Variants in DGKG observed in about 807,000 individuals in gnomAD.
The protein encoded by DGKG is DAG kinase gamma.
In DGKG, 78 loss-of-function variants were observed where a neutral mutation model predicts 105.3. The observed-to-expected ratio is 0.74, with a 90% CI of 0.62 to 0.89. The LOEUF (loss-of-function observed/expected upper bound fraction) is 0.89. Among genes scored for constraint, DGKG ranks in the 40% least tolerant of loss-of-function variants. DGKG has a pLI of 0.00. For synonymous variants in DGKG, 346 were observed against 367.1 expected, an observed-to-expected ratio of 0.94 and a Z score of 0.66; for missense variants, 958 against 1,020.1, an observed-to-expected ratio of 0.94 and a Z score of 0.83.
chr3:186,188,091 A>G, intron 22 of DGKG, 111 bp downstream of exon 22: 1 of 1,256,466 alleles, frequency 8.0e-7, no homozygotes, highest in Non-Finnish European at 1.1e-6. Flanking sequence ...ATATCCGCAG[A>G]GCATGGAGTC....
chr3:186,315,810 C>T (rs1724791157), intron 2 of DGKG, among the ~76,000 whole-genome samples: 1 of 152,216 alleles, frequency 6.6e-6, no homozygotes, highest in African/African-American at 2.4e-5. Flanking sequence ...GTGAGTCCCT[C>T]CTCCCTGAAA....
At chr3:186,233,780 G>A (rs942140184) in intron 20 of DGKG, among the ~76,000 whole-genome samples, 9 of 152,240 alleles carry the variant, frequency 5.9e-5, no homozygotes, top group African/African-American at 2.2e-4. Flanking sequence ...ACCACGCCCA[G>A]CCAGTAGTGT....
Position 186,149,278 on chromosome 3 carries a change from A to G in DGKG, c.*812T>C. On this transcript the variant is annotated 3_prime_UTR_variant, in exon 25 of 25. Coordinates refer to ENST00000265022, the MANE Select transcript of DGKG (RefSeq NM_001346.3). ...CTTTTTACACAATATTATGACACCAATTTGAAAAATAAATCCCAGTTTCTC... is the reference window on the plus strand; with the variant it reads ...CTTTTTACACAATATTATGACACCAGTTTGAAAAATAAATCCCAGTTTCTC... The G allele has an allele frequency of 2.0e-6, 2 of 985,236 alleles. No individual in the cohort carries two copies. The highest frequency in any genetic ancestry group is 2.4e-6 in the Non-Finnish European group (2 of 829,858). 61.0% of individuals were successfully genotyped at this position (985,236 alleles called of 1,614,324 possible). A position where few individuals can be genotyped will look rare whatever the true frequency, so the allele number is the denominator to read the frequency against.
chr3:186,243,954 T>G (rs1280420549), intron 19 of DGKG, among the ~76,000 whole-genome samples: 3 of 140,826 alleles, frequency 2.1e-5, no homozygotes, highest in Non-Finnish European at 4.5e-5. Context: ...TGGAGTGCAG[T>G]GGCATGATCT....
At chr3:186,217,684 AG>A (rs1201566724) in intron 20 of DGKG, among the ~76,000 whole-genome samples, 2 of 152,224 alleles carry the variant, frequency 1.3e-5, no homozygotes, top group Non-Finnish European at 2.9e-5. Flanking sequence ...CCTGTTTTCA[AG>A]GATGTCCACA....
chr3:186,328,101 CT>C (rs1187421253), intron 1 of DGKG, among the ~76,000 whole-genome samples: 1 of 152,198 alleles, frequency 6.6e-6, no homozygotes, highest in Non-Finnish European at 1.5e-5. Flanking sequence ...CACACCATGC[CT>C]TTGATCTACT....
At chr3:186,189,509 C>T (rs1717804494) in intron 21 of DGKG, among the ~76,000 whole-genome samples, 1 of 152,158 alleles carries the variant, frequency 6.6e-6, no homozygotes, top group Non-Finnish European at 1.5e-5. Flanking sequence ...AATAACAGAG[C>T]AGGGATTCAA....
chr3:186,208,021 A>G (rs925870624), intron 21 of DGKG, among the ~76,000 whole-genome samples: 1 of 152,022 alleles, frequency 6.6e-6, no homozygotes, highest in Non-Finnish European at 1.5e-5. Flanking sequence ...ATATCGCCTG[A>G]ATGGCTTTTT....
At chr3:186,273,486 T>A (rs1722427535) in intron 10 of DGKG, among the ~76,000 whole-genome samples, 1 of 148,836 alleles carries the variant, frequency 6.7e-6, no homozygotes. Flanking sequence ...GTGATTTTCC[T>A]GCCTCAGCCT....
At chr3:186,314,929 CTTT>C (rs1724743686) in intron 2 of DGKG, among the ~76,000 whole-genome samples, 2 of 151,952 alleles carry the variant, frequency 1.3e-5, no homozygotes, top group African/African-American at 4.8e-5. Context: ...CATCATGGAA[CTTT>C]TAAGGAATTA....
chr3:186,204,989 G>T (rs1032076400), intron 21 of DGKG, among the ~76,000 whole-genome samples: 3 of 152,150 alleles, frequency 2.0e-5, no homozygotes, highest in Admixed American at 6.5e-5. Context: ...AGGTGCAGTG[G>T]CTCATGCATG....
intron 1 of DGKG, among the ~76,000 whole-genome samples, chr3:186,322,451 G>A (rs1725124454): frequency 1.3e-5 from 2 of 152,116 alleles, no homozygotes; most frequent in East Asian, 1.9e-4. Context: ...AGGAGGGAGA[G>A]AACTGAAAAA....
At chr3:186,185,631 G>C (rs902913885) in intron 22 of DGKG, among the ~76,000 whole-genome samples, 1 of 152,142 alleles carries the variant, frequency 6.6e-6, no homozygotes, top group Non-Finnish European at 1.5e-5. Context: ...CAGAGCGGGG[G>C]TTGAGATAGG....
At chr3:186,173,197 A>C (rs1402038722) in intron 22 of DGKG, among the ~76,000 whole-genome samples, 1 of 152,240 alleles carries the variant, frequency 6.6e-6, no homozygotes, top group Non-Finnish European at 1.5e-5. Flanking sequence ...ATACAGTCAC[A>C]GTCTGAGGTG....
At chr3:186,253,278 C>T in intron 17 of DGKG, 96 bp from the exon 18 acceptor site, 1 of 950,022 alleles carries the variant, frequency 1.1e-6, no homozygotes, top group East Asian at 2.4e-5. Context: ...TGAACCCCTC[C>T]ATAGCATTCT....
intron 1 of DGKG, among the ~76,000 whole-genome samples, chr3:186,337,095 G>C (rs1379917254): frequency 1.3e-5 from 2 of 152,100 alleles, no homozygotes; most frequent in Non-Finnish European, 2.9e-5. Flanking sequence ...AACCATTCCA[G>C]AGCATAGAAA....
intron 4 of DGKG, among the ~76,000 whole-genome samples, 161 bp downstream of exon 4, chr3:186,297,903 C>T (rs183258778): frequency 6.6e-6 from 1 of 152,340 alleles, no homozygotes; most frequent in African/African-American, 2.4e-5. Flanking sequence ...CAGGGCTTCC[C>T]GTAAGGCACT....
At chr3:186,271,029 T>C (rs1722293051) in intron 11 of DGKG, among the ~76,000 whole-genome samples, 1 of 152,168 alleles carries the variant, frequency 6.6e-6, no homozygotes, top group African/African-American at 2.4e-5. Flanking sequence ...CGAGAGACCA[T>C]GCAGTGTCCA....
At chr3:186,277,771 C>T (rs865873558) in intron 9 of DGKG, among the ~76,000 whole-genome samples, 2 of 152,132 alleles carry the variant, frequency 1.3e-5, no homozygotes, top group Admixed American at 1.3e-4. Flanking sequence ...TAGCCTTCCT[C>T]GTGCTCACCA....
Sources: gnomAD v4.1 joint callset for allele counts (sites outside exome capture counted in the v4.1 genomes callset) on GRCh38, gnomAD v4.1.1 for gene constraint, MANE v1.5 for transcripts, NCBI Gene and HGNC (gene_info 2026-07-23, HGNC 2026-07-21) for gene names.